Variants in SNAP25 observed in about 807,000 individuals in gnomAD.
The protein encoded by SNAP25 is synaptosomal-associated protein 25.
A neutral mutation model predicts 28.7 loss-of-function variants in SNAP25; 3 were observed. The ratio of observed to expected loss-of-function variants is 0.10; its 90% CI spans 0.05 to 0.27. The LOEUF is 0.27. SNAP25 is among the 10% of genes least tolerant of loss of function. The pLI is 1.00. For synonymous variants in SNAP25, 61 were observed against 88.1 expected, an observed-to-expected ratio of 0.69 and a Z score of 1.72; for missense variants, 117 against 278.7, an observed-to-expected ratio of 0.42 and a Z score of 4.13.
chr20:10,240,151 C>G (rs2062998899), intron 1 of SNAP25, among the ~76,000 whole-genome samples: 1 of 152,104 alleles, frequency 6.6e-6, no homozygotes, highest in Admixed American at 6.5e-5. Flanking sequence ...TTCCTTGCAT[C>G]ACCCTGAGGG....
intron 1 of SNAP25, among the ~76,000 whole-genome samples, chr20:10,268,365 G>A (rs1435991605): frequency 6.6e-6 from 1 of 152,190 alleles, no homozygotes; most frequent in Non-Finnish European, 1.5e-5. Context: ...TTGGCTCTCT[G>A]TGATAATTCA....
chr20:10,284,790 C>T lies in SNAP25; in HGVS notation c.163+18C>T. On this transcript the variant is annotated intron_variant, in intron 4 of 7. Transcript: ENST00000254976. The stretch of plus-strand genomic sequence containing the variant: ...ACAAGGAGGTAAGTTCAGATTTCTT[C>T]AGTAAGAACAATTCCTCTTCTGAAT... 6.3e-7 allele frequency: 1 copy of T among 1,595,776 alleles called. No homozygotes were observed. Among genetic ancestry groups the T allele is most frequent in the Non-Finnish European group, 8.6e-7 (1 of 1,163,848 alleles).
At chr20:10,241,917 A>G (rs145518059) in intron 1 of SNAP25, among the ~76,000 whole-genome samples, 2,343 of 152,236 alleles carry the variant, frequency 0.015, 60 homozygotes, top group African/African-American at 0.051. Flanking sequence ...TTATCTTTCT[A>G]CAAGATACTC....
intron 1 of SNAP25, among the ~76,000 whole-genome samples, chr20:10,240,346 T>C (rs989454348): frequency 2.0e-5 from 3 of 152,182 alleles, no homozygotes; most frequent in African/African-American, 7.2e-5. Context: ...CCAGGCAATC[T>C]CCTTTTTTAC....
chr20:10,270,913 C>T (rs2063582105), intron 1 of SNAP25, among the ~76,000 whole-genome samples: 1 of 152,164 alleles, frequency 6.6e-6, no homozygotes, highest in Non-Finnish European at 1.5e-5. Flanking sequence ...CAGAACAGTT[C>T]ATCCATGTCA....
chr20:10,273,274 G>A (rs1217089859), intron 1 of SNAP25, among the ~76,000 whole-genome samples: 2 of 151,952 alleles, frequency 1.3e-5, no homozygotes, highest in Admixed American at 6.6e-5. Context: ...TCCCAGCTTC[G>A]GTTTTCAATA....
At chr20:10,299,200 C>CTT in intron 6 of SNAP25, 68 bp from the exon 7 acceptor site, 1 of 1,553,386 alleles carries the variant, frequency 6.4e-7, no homozygotes, top group Non-Finnish European at 8.8e-7. Flanking sequence ...TTCCACTATG[C>CTT]TTTGGGTCCT....
intron 7 of SNAP25, among the ~76,000 whole-genome samples, chr20:10,302,704 A>C (rs544080953): frequency 6.6e-6 from 1 of 152,344 alleles, no homozygotes; most frequent in South Asian, 2.1e-4. Context: ...TCATAAATAA[A>C]GTCCTACAGC....
intron 2 of SNAP25, among the ~76,000 whole-genome samples, 183 bp from the exon 3 acceptor site, chr20:10,277,502 G>T (rs946662038): frequency 9.9e-5 from 15 of 152,178 alleles, no homozygotes; most frequent in Admixed American, 6.5e-4. Flanking sequence ...ATCTGATCAT[G>T]TAAAAAGCCT....
intron 1 of SNAP25, among the ~76,000 whole-genome samples, chr20:10,240,909 G>T (rs1479594697): frequency 2.0e-5 from 3 of 152,200 alleles, no homozygotes; most frequent in Non-Finnish European, 4.4e-5. Flanking sequence ...TGATGCGAAT[G>T]GCTTCAATTG....
chr20:10,287,987 C>G (rs1184365564), intron 4 of SNAP25, among the ~76,000 whole-genome samples: 2 of 150,398 alleles, frequency 1.3e-5, no homozygotes. Flanking sequence ...GGAAGGGGAA[C>G]ATCACACTCT....
At chr20:10,224,437 TGTTGAACTTG>T (rs940087006) in intron 1 of SNAP25, among the ~76,000 whole-genome samples, 5 of 151,878 alleles carry the variant, frequency 3.3e-5, no homozygotes, top group African/African-American at 7.3e-5. Context: ...AGTGCACCAC[TGTTGAACTTG>T]GTTTCTTTAC....
chr20:10,275,295 T>G (rs2063672079), intron 1 of SNAP25, 134 bp from the exon 2 acceptor site: 3 of 365,236 alleles, frequency 8.2e-6, no homozygotes, highest in African/African-American at 6.3e-5. Context: ...TGTTGACCCC[T>G]GTCTGAGTAT....
Position 10,293,339 on chromosome 20 carries a change from A to C in SNAP25, c.281+61A>C, listed in dbSNP as rs1389300587. ...CCAAGGCCCATCTCCAAGCCTTGAC[A>C]AGCTCATTCCTGCCAAGCTCATAGG... On this transcript the variant is annotated intron_variant, in intron 5 of 7. Transcript: ENST00000254976. This position sits in a 1 kb window ranked among gnomAD's most constrained non-coding sequence, Gnocchi z 5.6. 4.5e-6 allele frequency: 6 copies of C among 1,320,590 alleles called. No homozygotes were observed. The highest frequency in any genetic ancestry group is 6.6e-6 in the Non-Finnish European group (6 of 914,896). The allele number at this position is 1,320,590 out of a possible 1,614,324, so 81.8% of individuals were successfully genotyped here. A position where few individuals can be genotyped will look rare whatever the true frequency, so the allele number is the denominator to read the frequency against.
At chr20:10,230,059 G>A (rs925314544) in intron 1 of SNAP25, among the ~76,000 whole-genome samples, 2 of 152,066 alleles carry the variant, frequency 1.3e-5, no homozygotes, top group African/African-American at 4.8e-5. Flanking sequence ...AGAACCAAAG[G>A]CCCTTCTCTC....
chr20:10,245,022 T>A (rs745483548), intron 1 of SNAP25, among the ~76,000 whole-genome samples: 37 of 152,074 alleles, frequency 2.4e-4, no homozygotes, highest in Non-Finnish European at 4.6e-4. Context: ...TGAGCCACTG[T>A]GGCTGGCCAT....
intron 3 of SNAP25, among the ~76,000 whole-genome samples, chr20:10,280,468 A>T (rs558776027): frequency 1.4e-4 from 21 of 152,342 alleles, no homozygotes; most frequent in African/African-American, 5.1e-4. Flanking sequence ...AGGGAGATGT[A>T]AATTGGTATC....
intron 1 of SNAP25, among the ~76,000 whole-genome samples, chr20:10,237,880 A>C (rs1295266737): frequency 6.6e-6 from 1 of 152,166 alleles, no homozygotes; most frequent in African/African-American, 2.4e-5. Context: ...TGCTGAGAAA[A>C]GGCCCAGCCA....
intron 1 of SNAP25, among the ~76,000 whole-genome samples, chr20:10,244,121 A>G (rs1228277911): frequency 6.6e-6 from 1 of 152,222 alleles, no homozygotes; most frequent in Non-Finnish European, 1.5e-5. Context: ...AGTTATTGCC[A>G]TGACTAAGTT....
Sources: allele counts gnomAD v4.1 joint callset (sites outside exome capture counted in the v4.1 genomes callset), GRCh38; gene constraint gnomAD v4.1.1; non-coding constraint Gnocchi (gnomAD v3.1); transcripts MANE v1.5; gene names NCBI Gene and HGNC (gene_info 2026-07-23, HGNC 2026-07-21).